The following MSMO1 variants were observed in gnomAD, a reference collection of about 807,000 sequenced individuals.
MSMO1 encodes C-4 methylsterol oxidase.
MSMO1 carries 18 observed loss-of-function variants against 30.4 expected under a neutral mutation model. The observed-to-expected ratio is 0.59, with a 90% CI of 0.41 to 0.88. MSMO1 has a LOEUF of 0.88. Ranked by LOEUF, MSMO1 falls within the 40% of genes least tolerant of loss-of-function variation. MSMO1 has a pLI of 0.00. For missense variants in MSMO1, 284 were observed against 340.5 expected, an observed-to-expected ratio of 0.83 and a Z score of 1.31; for synonymous variants, 84 against 107.9, an observed-to-expected ratio of 0.78 and a Z score of 1.37.
intron 5 of MSMO1, 126 bp from the exon 6 acceptor site, chr4:165,341,625 A>G: frequency 1.3e-6 from 1 of 769,524 alleles, no homozygotes. Context: ...ACACTTAGAA[A>G]TAAAGTGGTC....
intron 4 of MSMO1, 55 bp downstream of exon 4, chr4:165,338,833 TTGCC>T: frequency 1.4e-6 from 2 of 1,429,960 alleles, no homozygotes; most frequent in Non-Finnish European, 1.9e-6. Flanking sequence ...TCTATTTTAA[TTGCC>T]TGAGCATTTT....
At chr4:165,333,008 C>T (rs747668702) in intron 1 of MSMO1, among the ~76,000 whole-genome samples, 1 of 152,080 alleles carries the variant, frequency 6.6e-6, no homozygotes, top group Non-Finnish European at 1.5e-5. Context: ...AGCTATTGCT[C>T]ATTTAAATTA....
At position 165,337,082 on chromosome 4, in the gene MSMO1, G is replaced by A. The variant is rs149783818; in HGVS notation, c.256-707G>A. ...ATAACTGATATTTATTGTCACCATC[G>A]TTTTGTTAAGCCCAAAGCACTTTTT... On this transcript the variant is annotated intron_variant, in intron 2 of 5. Coordinates refer to ENST00000261507, the MANE Select transcript of MSMO1 (RefSeq NM_006745.5). 2.0e-5 allele frequency among the ~76,000 whole-genome samples: 3 copies of A among 152,280 alleles called. No individual in the cohort carries two copies. In the East Asian group the frequency reaches 5.8e-4, roughly 29 times the overall value.
At chr4:165,340,672 C>A (rs906763113) in intron 5 of MSMO1, 1 of 364,308 alleles carries the variant, frequency 2.7e-6, no homozygotes, top group Non-Finnish European at 5.0e-6. Flanking sequence ...AAAAAAATAT[C>A]AAAGCATTCA....
Position 165,341,933 on chromosome 4 carries a change from A to T in MSMO1, c.869A>T (p.Lys290Ile). The change falls in exon 6 of 6, where the codon AAA (lysine) becomes ATA (isoleucine). Residue 290 changes from lysine (K) to isoleucine (I), a missense_variant. Transcript: ENST00000261507. ...AATGAAAAGAGGAAGAAGTTTGAGA[A>T]AAAGACTGAATAAATATCTCACGTA... ...AYNEKRKKFE[K>I]KTE is the part of the protein sequence containing the mutation. 6.2e-7 allele frequency: 1 copy of T among 1,610,366 alleles called. No individual in the cohort carries two copies. The highest frequency in any genetic ancestry group is 8.5e-7 in the Non-Finnish European group (1 of 1,177,302).
chr4:165,333,244 T>C, intron 1 of MSMO1, 96 bp from the exon 2 acceptor site: 1 of 1,020,552 alleles, frequency 9.8e-7, no homozygotes, highest in Non-Finnish European at 1.4e-6. Context: ...CTTTAGTAAT[T>C]ATCATTTTTA....
At chr4:165,337,699 T>C in intron 2 of MSMO1, 90 bp from the exon 3 acceptor site, 2 of 1,320,182 alleles carry the variant, frequency 1.5e-6, no homozygotes, top group Admixed American at 3.5e-5. Flanking sequence ...TGACGTAGAA[T>C]TAAGGTCCAA....
At chr4:165,331,264 A>G (rs1044602013) in intron 1 of MSMO1, among the ~76,000 whole-genome samples, 3 of 151,964 alleles carry the variant, frequency 2.0e-5, no homozygotes, top group Non-Finnish European at 2.9e-5. Context: ...TAATTGTGCC[A>G]CTGCACTCCA....
At chr4:165,341,041 T>C (rs11726725) in intron 5 of MSMO1, among the ~76,000 whole-genome samples, 38,328 of 150,364 alleles carry the variant, frequency 0.25, 5,549 homozygotes, top group Non-Finnish European at 0.34. Context: ...ATTTCTTTCT[T>C]TTTTTTTTCT....
rs1283939165 is a variant in MSMO1, at chr4:165,341,856, A to G, written c.792A>G (p.Thr264=). 6.2e-7 allele frequency: 1 copy of G among 1,613,300 alleles called. No homozygotes were observed. The highest frequency in any genetic ancestry group is 1.3e-5 in the African/African-American group (1 of 74,878). Residue 264 remains threonine (T), a synonymous_variant, in exon 6 of 6, where the codon ACA becomes ACG. Transcript: ENST00000261507. ...ACTTCATTGGAAACTATGCTTCAAC[A>G]TTTACATGGTGGGATCGAATTTTTG... ...HMNFIGNYAS[T]FTWWDRIFGT...
intron 1 of MSMO1, among the ~76,000 whole-genome samples, chr4:165,330,189 A>T (rs1183622804): frequency 6.6e-6 from 1 of 152,226 alleles, no homozygotes; most frequent in East Asian, 1.9e-4. Flanking sequence ...CATTAACTTA[A>T]CATTAAGCAT....
chr4:165,337,095 C>T (rs751212917), intron 2 of MSMO1, among the ~76,000 whole-genome samples: 4 of 152,158 alleles, frequency 2.6e-5, no homozygotes, highest in Non-Finnish European at 5.9e-5. Context: ...TTGTTAAGCC[C>T]AAAGCACTTT....
chr4:165,340,102 A>T, intron 4 of MSMO1, 119 bp from the exon 5 acceptor site: 1 of 834,158 alleles, frequency 1.2e-6, no homozygotes, highest in Non-Finnish European at 1.9e-6. Flanking sequence ...TACCTTCACA[A>T]CAACATCTAG....
At position 165,342,444 on chromosome 4, in the gene MSMO1, T is replaced by C. The variant is rs1187460861; in HGVS notation, c.*498T>C. 1 of 152,366 alleles carries C rather than the reference T, an allele frequency of 6.6e-6. No homozygotes were observed. The highest frequency in any genetic ancestry group is 1.5e-5 in the Non-Finnish European group (1 of 68,284). The allele number at this position is 152,366 out of a possible 1,614,324, so 9.4% of individuals were successfully genotyped here. On this transcript the variant is annotated 3_prime_UTR_variant, in exon 6 of 6. Coordinates refer to ENST00000261507, the MANE Select transcript of MSMO1 (RefSeq NM_006745.5). ...CACAGTCTCAGCTCACTGCAACCTCTGCCTCCCAGTTCAAGCAATTCTTCT... is the reference window on the plus strand; with the variant it reads ...CACAGTCTCAGCTCACTGCAACCTCCGCCTCCCAGTTCAAGCAATTCTTCT...
At chr4:165,334,911 A>G (rs1339090875) in intron 2 of MSMO1, among the ~76,000 whole-genome samples, 3 of 152,172 alleles carry the variant, frequency 2.0e-5, no homozygotes, top group Non-Finnish European at 4.4e-5. Flanking sequence ...GATCCAACCA[A>G]CTGCAGATCA....
chr4:165,340,421 T>A lies in MSMO1; in HGVS notation c.686+46T>A, dbSNP rs748099513. On this transcript the variant is annotated intron_variant, in intron 5 of 5. Coordinates refer to ENST00000261507, the MANE Select transcript of MSMO1 (RefSeq NM_006745.5). Reference sequence around the variant, plus strand: ...AGGTATAAAGCATAATGAAATATATTTATTTTCATGGCCATAAGATTATCA... The same window carrying A: ...AGGTATAAAGCATAATGAAATATATATATTTTCATGGCCATAAGATTATCA... 4 of 1,483,638 alleles carry A rather than the reference T, an allele frequency of 2.7e-6. No homozygotes were observed. The South Asian group carries it at 3.4e-5, about 13-fold the overall frequency. The allele number at this position is 1,483,638 out of a possible 1,614,324, so 91.9% of individuals were successfully genotyped here.
rs200613659 is a variant in MSMO1, at chr4:165,340,291, T to C, written c.602T>C (p.Ile201Thr). The C allele has an allele frequency of 7.7e-5, 125 of 1,613,904 alleles. No individual in the cohort carries two copies. Among genetic ancestry groups the C allele is most frequent in the South Asian group, 2.0e-4 (18 of 91,084 alleles). The change falls in exon 5 of 6, where the codon ATT (isoleucine) becomes ACT (threonine). Residue 201 changes from isoleucine (I) to threonine (T), a missense_variant. Physicochemically the swap from Ile to Thr is moderately conservative, Grantham distance 89. Transcript: ENST00000261507. ...CTAATTCTTGGAACTGGATTTTTCA[T>C]TGGAATCGTGCTTTTGTGTGATCAT... ...ETLILGTGFFIGIVLLCDHVI... is the reference protein window; with the variant it reads ...ETLILGTGFFTGIVLLCDHVI...
intron 1 of MSMO1, among the ~76,000 whole-genome samples, chr4:165,330,796 C>G (rs1409572952): frequency 4.6e-5 from 7 of 152,154 alleles, no homozygotes; most frequent in Non-Finnish European, 1.0e-4. Flanking sequence ...CTCCTCATTT[C>G]AAGCGATTCA....
chr4:165,334,605 A>G (rs536308759), intron 2 of MSMO1, among the ~76,000 whole-genome samples: 28 of 152,328 alleles, frequency 1.8e-4, no homozygotes, highest in African/African-American at 6.3e-4. Context: ...TCATTGCACT[A>G]AATGTTGAGA....
Sources: allele counts gnomAD v4.1 joint callset (sites outside exome capture counted in the v4.1 genomes callset), GRCh38; gene constraint gnomAD v4.1.1; transcripts MANE v1.5; gene names NCBI Gene and HGNC (gene_info 2026-07-23, HGNC 2026-07-21).